BPTF: variants seen among roughly 807,000 people sequenced by gnomAD.
BPTF encodes nucleosome-remodeling factor subunit BPTF.
BPTF carries 18 observed loss-of-function variants against 292.5 expected under a neutral mutation model. The ratio of observed to expected loss-of-function variants is 0.06; its 90% confidence interval spans 0.04 to 0.09. The LOEUF is 0.09. Ranked by LOEUF, BPTF falls within the 10% of genes least tolerant of loss-of-function variation. The pLI is 1.00. For synonymous variants in BPTF, 1,225 were observed against 1,251.9 expected (o/e 0.98, Z 0.45); for missense variants, 2,726 against 3,498.7 (o/e 0.78, Z 5.57).
intron 19 of BPTF, among the ~76,000 whole-genome samples, chr17:67,941,079 T>A (rs533238133): frequency 6.6e-6 from 1 of 152,392 alleles, no homozygotes. Flanking sequence ...AAAGTTTATA[T>A]GGAGGTACAA....
chr17:67,888,084 A>G (rs147274081), intron 4 of BPTF, among the ~76,000 whole-genome samples: 81 of 152,310 alleles, frequency 5.3e-4, no homozygotes, highest in African/African-American at 1.9e-3. Flanking sequence ...ATTATAGCAT[A>G]GTAAATATCT....
intron 25 of BPTF, 182 bp from the exon 26 acceptor site, chr17:67,966,390 A>G: frequency 1.9e-6 from 1 of 537,646 alleles, no homozygotes; most frequent in South Asian, 2.2e-5. Flanking sequence ...TTTGAGTACC[A>G]TTATTGTAGA....
At chr17:67,881,907 C>T (rs1480097230) in intron 4 of BPTF, among the ~76,000 whole-genome samples, 1 of 132,714 alleles carries the variant, frequency 7.5e-6, no homozygotes, top group African/African-American at 2.8e-5. Flanking sequence ...TGCTCTGTCA[C>T]CCAGGCTGGA....
At chr17:67,905,796 A>G (rs963245986) in intron 9 of BPTF, among the ~76,000 whole-genome samples, 1 of 152,174 alleles carries the variant, frequency 6.6e-6, no homozygotes, top group African/African-American at 2.4e-5. Context: ...AGAGAAAACC[A>G]GAAAGAAAGT....
intron 2 of BPTF, among the ~76,000 whole-genome samples, chr17:67,858,245 A>G (rs1444107511): frequency 6.6e-6 from 1 of 152,252 alleles, no homozygotes; most frequent in African/African-American, 2.4e-5. Flanking sequence ...AAATATGTGT[A>G]AAATATGTGT....
chr17:67,959,817 G>C lies in BPTF; in HGVS notation c.8203G>C (p.Glu2735Gln). ...GAAAATGATCTCTACTACCTCAAAGGAAACTAAGAAGGACACAAAGCTTTA... is the reference window on the plus strand; with the variant it reads ...GAAAATGATCTCTACTACCTCAAAGCAAACTAAGAAGGACACAAAGCTTTA... ...KKKMISTTSK[E>Q]TKKDTKLYCI... is the part of the protein sequence containing the mutation. Residue 2735 changes from glutamate (E) to glutamine (Q), a missense_variant, in exon 24 of 28, where the codon GAA becomes CAA. Around this residue, in one of 22 missense-constraint regions of BPTF, gnomAD observed 148 missense variants for 145.5 expected, o/e 1.02. Coordinates refer to ENST00000306378, the MANE Select transcript of BPTF (RefSeq NM_182641.4). The C allele has an allele frequency of 5.0e-6, 8 of 1,613,654 alleles. No homozygotes were observed. Among genetic ancestry groups the C allele is most frequent in the Non-Finnish European group, 6.8e-6 (8 of 1,179,878 alleles).
In BPTF at chr17:67,964,256, G is replaced by T. The variant is rs782362496; in HGVS notation, c.8306G>T (p.Arg2769Leu). The change falls in exon 25 of 28, where the codon CGC (arginine) becomes CTC (leucine). Residue 2769 changes from arginine to leucine, a missense_variant. This residue lies in a region of BPTF where 48 missense variants were observed against 114.2 expected (regional missense o/e 0.42). Coordinates refer to ENST00000306378, the MANE Select transcript of BPTF (RefSeq NM_182641.4). ...CGGTGTCAGAATTGGTACCATGGGC[G>T]CTGCGTTGGCATCTTGCAAAGTGAG... ...CDRCQNWYHG[R>L]CVGILQSEAE... is the part of the protein sequence containing the mutation. 1 of 1,613,772 alleles carries T rather than the reference G, an allele frequency of 6.2e-7. No individual in the cohort carries two copies. Among genetic ancestry groups the T allele is most frequent in the African/African-American group, 1.3e-5 (1 of 74,874 alleles).
chr17:67,981,666 C>T (rs1555696687), intron 27 of BPTF: 2 of 994,848 alleles, frequency 2.0e-6, no homozygotes, highest in East Asian at 1.1e-4. Flanking sequence ...CTGTATTTAT[C>T]TGCTATTTCA....
chr17:67,881,627 C>T (rs2060412885), intron 4 of BPTF, among the ~76,000 whole-genome samples: 1 of 150,040 alleles, frequency 6.7e-6, no homozygotes, highest in African/African-American at 2.5e-5. Flanking sequence ...CCTTAGCCTC[C>T]CGAGTAGCCA....
chr17:67,956,228 A>G (rs1387096769), intron 23 of BPTF: 2 of 149,814 alleles, frequency 1.3e-5, no homozygotes, highest in Non-Finnish European at 3.0e-5. Flanking sequence ...CTGAGGCAGG[A>G]GAATGGCGTG....
rs371883660 is a variant in BPTF, at chr17:67,943,186, G to A, written c.6478-964G>A. Among the ~76,000 whole-genome samples the A allele has an allele frequency of 4.6e-5, 7 of 152,202 alleles. No individual in the cohort carries two copies. The East Asian group carries it at 7.7e-4, about 17-fold the overall frequency. On this transcript the variant is annotated intron_variant, in intron 19 of 27. Transcript: ENST00000306378. ...CACTGGCAATGGTGACCACAGTGGCGGTTTTATAGATGTTTACTTTATAAT... is the reference window on the plus strand; with the variant it reads ...CACTGGCAATGGTGACCACAGTGGCAGTTTTATAGATGTTTACTTTATAAT...
In BPTF at chr17:67,959,662, C is replaced by CTCCAGCCCCTCCAGCCCA. The variant is rs782385048; in HGVS notation, c.8052_8053insGCCCCTCCAGCCCATCCA (p.Pro2684_Pro2685insAlaProProAlaHisPro). ...CCAGCTCCTCCAGCCCCTCCAGCCC[C>CTCCAGCCCCTCCAGCCCA]TCCACCTTCACCTCCCCCTCCACCT... On this transcript the variant is annotated inframe_insertion, in exon 24 of 28. Transcript: ENST00000306378. 6.2e-7 allele frequency: 1 copy of CTCCAGCCCCTCCAGCCCA among 1,612,848 alleles called. No homozygotes were observed. The highest frequency in any genetic ancestry group is 1.7e-5 in the Admixed American group (1 of 59,830).
At chr17:67,881,139 C>T (rs1374284456) in intron 4 of BPTF, among the ~76,000 whole-genome samples, 1 of 151,878 alleles carries the variant, frequency 6.6e-6, no homozygotes, top group Non-Finnish European at 1.5e-5. Context: ...GAAAATTGGG[C>T]AGATTTCATG....
rs144485416 is a variant in BPTF at position 67,969,189 on chromosome 17, A to G, written c.8539+2533A>G. 2.1e-3 allele frequency among the ~76,000 whole-genome samples: 324 copies of G among 150,898 alleles called. 10 individuals carry two copies. The highest frequency in any genetic ancestry group is 7.5e-3 in the African/African-American group (305 of 40,614). On this transcript the variant is annotated intron_variant, in intron 26 of 27. Coordinates refer to ENST00000306378, the MANE Select transcript of BPTF (RefSeq NM_182641.4). ...AGGCCAGGCGCAGTGGCTCATGCCT[A>G]TAATCCCAGCACTTTGGGAGGCTGA... is the stretch of plus-strand genomic sequence containing the variant.
At chr17:67,971,821 C>A (rs1250799717) in intron 26 of BPTF, among the ~76,000 whole-genome samples, 1 of 137,120 alleles carries the variant, frequency 7.3e-6, no homozygotes, top group Non-Finnish European at 1.6e-5. Context: ...GAGTGAGACT[C>A]CATCTCAAAA....
Position 67,910,937 on chromosome 17 carries a change from T to C in BPTF, c.3053T>C (p.Val1018Ala). The change falls in exon 11 of 28, where the codon GTA becomes GCA. Residue 1018 changes from valine (V) to alanine (A), a missense_variant. This residue lies in a region of BPTF where 713 missense variants were observed against 714.9 expected (regional missense o/e 1.00). Coordinates refer to ENST00000306378, the MANE Select transcript of BPTF (RefSeq NM_182641.4). ...DKPCKEEPME[V>A]DDDMKTESHV... ...CCCTGCAAGGAAGAACCAATGGAAG[T>C]AGACGATGACATGAAAACAGAGTCA... The C allele has an allele frequency of 1.2e-6, 2 of 1,613,932 alleles. No homozygotes were observed. Among genetic ancestry groups the C allele is most frequent in the East Asian group, 2.2e-5 (1 of 44,868 alleles).
At chr17:67,982,175 C>T (rs782218808) in intron 27 of BPTF, 77 bp from the exon 28 acceptor site, 5 of 1,330,690 alleles carry the variant, frequency 3.8e-6, no homozygotes, top group Non-Finnish European at 5.4e-6. Context: ...ACTGACTGAC[C>T]TTGGCATCCG....
chr17:67,909,891 A>G (rs1291516558), intron 10 of BPTF, 130 bp downstream of exon 10: 6 of 703,014 alleles, frequency 8.5e-6, no homozygotes, highest in Non-Finnish European at 1.0e-5. Flanking sequence ...TTGATATCCC[A>G]TACAATTCAC....
chr17:67,846,425 T>C (rs557312497), intron 1 of BPTF, among the ~76,000 whole-genome samples: 1 of 152,342 alleles, frequency 6.6e-6, no homozygotes, highest in Non-Finnish European at 1.5e-5. Context: ...AATAGAACTT[T>C]TTGTGATGAT....
Sources: gnomAD v4.1 joint callset for allele counts (sites outside exome capture counted in the v4.1 genomes callset) on GRCh38, gnomAD v4.1.1 for gene constraint, gnomAD v4.1.1 regional missense constraint, MANE v1.5 for transcripts, NCBI Gene and HGNC (gene_info 2026-07-23, HGNC 2026-07-21) for gene names.